Variants in GLIS3 observed in about 807,000 individuals in gnomAD.
GLIS3 encodes the protein GLIS family zinc finger 3.
A neutral mutation model predicts 78.6 loss-of-function variants in GLIS3; 53 were observed. That is an observed-to-expected ratio of 0.67 (90% CI 0.54 to 0.85). The LOEUF (loss-of-function observed/expected upper bound fraction) is 0.85. Ranked by LOEUF, GLIS3 falls within the 40% of genes least tolerant of loss-of-function variation. The probability of loss-of-function intolerance (pLI) is 0.00; values close to 1 mark genes in which losing one functional copy is unlikely to be tolerated. For missense variants in GLIS3, 1,703 were observed against 1,231.1 expected (o/e 1.38, Z -5.74); for synonymous variants, 684 against 509.9 (o/e 1.34, Z -4.60).
intron 6 of GLIS3, among the ~76,000 whole-genome samples, chr9:3,908,107 A>G (rs1022265753): frequency 1.3e-4 from 20 of 152,130 alleles, no homozygotes; most frequent in Non-Finnish European, 2.8e-4. Flanking sequence ...AATTTGCCAG[A>G]ACAATAAGGA....
At chr9:4,203,465 C>G (rs969354999) in intron 2 of GLIS3, among the ~76,000 whole-genome samples, 1 of 152,164 alleles carries the variant, frequency 6.6e-6, no homozygotes, top group Non-Finnish European at 1.5e-5. Flanking sequence ...CGTAACATGA[C>G]TGCACGTCCT....
chr9:4,196,385 G>A (rs1818847711), intron 2 of GLIS3, among the ~76,000 whole-genome samples: 1 of 152,196 alleles, frequency 6.6e-6, no homozygotes, highest in African/African-American at 2.4e-5. Context: ...GCCAGCAGTG[G>A]CAACCGGCTC....
chr9:4,440,265 C>T, the GLIS3 span, among the ~76,000 whole-genome samples: 1 of 152,124 alleles, frequency 6.6e-6, no homozygotes, highest in Non-Finnish European at 1.5e-5. Flanking sequence ...AAATATTTGC[C>T]CATACCCATG....
chr9:3,973,316 T>C (rs975905405), intron 4 of GLIS3, among the ~76,000 whole-genome samples: 10 of 152,108 alleles, frequency 6.6e-5, no homozygotes, highest in African/African-American at 2.2e-4. Flanking sequence ...ATTAATTGTT[T>C]ATGTGGTAGA....
chr9:4,106,597 T>A (rs1360938849), intron 4 of GLIS3, among the ~76,000 whole-genome samples: 2 of 152,230 alleles, frequency 1.3e-5, no homozygotes, highest in African/African-American at 2.4e-5. Flanking sequence ...TGTCATTTTT[T>A]CCTTGAGTGT....
chr9:4,466,004 C>G, the GLIS3 span, among the ~76,000 whole-genome samples: 1 of 152,052 alleles, frequency 6.6e-6, no homozygotes, highest in Non-Finnish European at 1.5e-5. Context: ...AGAAAATCAA[C>G]GAATCCAAGA....
intron 4 of GLIS3, among the ~76,000 whole-genome samples, chr9:3,987,014 G>C (rs551812608): frequency 1.5e-4 from 23 of 152,152 alleles, no homozygotes; most frequent in Non-Finnish European, 2.8e-4. Flanking sequence ...ATTAGATCTT[G>C]AAATGATCTG....
chr9:3,951,209 T>C (rs1816656469), intron 4 of GLIS3, among the ~76,000 whole-genome samples: 1 of 152,364 alleles, frequency 6.6e-6, no homozygotes, highest in Middle Eastern at 3.4e-3. Flanking sequence ...ACAACAGGTC[T>C]TGCTTTATAG....
chr9:4,394,632 C>T, the GLIS3 span, among the ~76,000 whole-genome samples: 1 of 152,160 alleles, frequency 6.6e-6, no homozygotes, highest in Non-Finnish European at 1.5e-5. Flanking sequence ...AGGTCAGCTT[C>T]ATATCTTACC....
intron 2 of GLIS3, among the ~76,000 whole-genome samples, chr9:4,253,254 A>G (rs1824569952): frequency 6.6e-6 from 1 of 152,088 alleles, no homozygotes; most frequent in Non-Finnish European, 1.5e-5. Context: ...GGGAGATGGG[A>G]GTTTTATCTA....
chr9:3,871,264 G>A (rs1820951271), intron 8 of GLIS3, among the ~76,000 whole-genome samples: 2 of 152,086 alleles, frequency 1.3e-5, no homozygotes, highest in Non-Finnish European at 2.9e-5. Flanking sequence ...CATTGAGCAT[G>A]GGCTGGCATT....
chr9:3,865,479 G>A (rs1044897920), intron 8 of GLIS3, among the ~76,000 whole-genome samples: 1 of 152,192 alleles, frequency 6.6e-6, no homozygotes. Context: ...GTGGGCTTTT[G>A]CTTTGAGAAT....
At chr9:3,987,771 A>C (rs1310194778) in intron 4 of GLIS3, among the ~76,000 whole-genome samples, 1 of 141,752 alleles carries the variant, frequency 7.1e-6, no homozygotes, top group Admixed American at 7.3e-5. Context: ...CAAAAAAAAA[A>C]AAAAAAAAAA....
At chr9:3,967,358 C>T (rs1818032050) in intron 4 of GLIS3, among the ~76,000 whole-genome samples, 1 of 152,012 alleles carries the variant, frequency 6.6e-6, no homozygotes, top group Admixed American at 6.6e-5. Flanking sequence ...AGAAAATTAG[C>T]CAGGCGTGGT....
intron 2 of GLIS3, among the ~76,000 whole-genome samples, chr9:4,231,830 G>A (rs1822279904): frequency 6.6e-6 from 1 of 152,094 alleles, no homozygotes; most frequent in Non-Finnish European, 1.5e-5. Flanking sequence ...ACCCATATGG[G>A]GAATATTAAA....
At chr9:4,367,510 T>C in the GLIS3 span, among the ~76,000 whole-genome samples, 3 of 151,942 alleles carry the variant, frequency 2.0e-5, no homozygotes, top group Admixed American at 6.6e-5. Context: ...TAATTGCTTA[T>C]TTAATGCTTA....
upstream of GLIS3, among the ~76,000 whole-genome samples, chr9:4,349,967 G>GC (rs1354130464): frequency 6.6e-6 from 1 of 152,218 alleles, no homozygotes; most frequent in African/African-American, 2.4e-5. Context: ...TGGGTGGGCA[G>GC]CCCAGGCCAG....
At chr9:3,942,144 A>C (rs938417878) in intron 4 of GLIS3, among the ~76,000 whole-genome samples, 3 of 152,218 alleles carry the variant, frequency 2.0e-5, no homozygotes, top group African/African-American at 7.2e-5. Flanking sequence ...TAGTAACAGC[A>C]AACCTTTCCT....
chr9:4,194,159 G>T (rs1485471635), intron 2 of GLIS3, among the ~76,000 whole-genome samples: 1 of 152,160 alleles, frequency 6.6e-6, no homozygotes, highest in Non-Finnish European at 1.5e-5. Flanking sequence ...CTGGGTTCAA[G>T]CAACTCTCCT....
Sources: allele counts gnomAD v4.1 joint callset (sites outside exome capture counted in the v4.1 genomes callset), GRCh38; gene constraint gnomAD v4.1.1; transcripts MANE v1.5; gene names NCBI Gene and HGNC (gene_info 2026-07-23, HGNC 2026-07-21).